The following ADAM12 variants were observed in gnomAD, a reference collection of about 807,000 sequenced individuals.
The protein encoded by ADAM12 is ADAM metallopeptidase domain 12, also known as disintegrin and metalloproteinase domain-containing protein 12.
ADAM12 carries 70 observed loss-of-function variants against 106.4 expected under a neutral mutation model. That is an observed-to-expected ratio of 0.66 (90% CI 0.54 to 0.80). ADAM12 has a LOEUF of 0.80. ADAM12 is among the 30% of genes least tolerant of loss of function. ADAM12 has a pLI of 0.00. For missense variants in ADAM12, 1,010 were observed against 1,171.9 expected (o/e 0.86, Z 2.02); for synonymous variants, 420 against 433.5 (o/e 0.97, Z 0.39).
chr10:126,299,800 C>T (rs144557247), intron 2 of ADAM12, among the ~76,000 whole-genome samples: 2,030 of 152,224 alleles, frequency 0.013, 43 homozygotes, highest in African/African-American at 0.047. Context: ...CCCACCACCA[C>T]GCCTGGCTAA....
At chr10:126,370,224 T>A (rs1027305524) in intron 1 of ADAM12, among the ~76,000 whole-genome samples, 2 of 152,180 alleles carry the variant, frequency 1.3e-5, no homozygotes, top group Admixed American at 1.3e-4. Context: ...GTGCCTAGAT[T>A]CGTAACCCAC....
At chr10:126,330,305 A>G in intron 2 of ADAM12, 107 bp downstream of exon 2, 1 of 919,028 alleles carries the variant, frequency 1.1e-6, no homozygotes, top group Non-Finnish European at 1.6e-6. Context: ...GGATAGAGTT[A>G]GCATTAAAGT....
At position 126,038,279 on chromosome 10, in the gene ADAM12, C is replaced by G; in HGVS notation, c.2311G>C (p.Gly771Arg). ...GAATCTGGCGGCTTCCTCATCAGGC[C>G]TTTTCCAAGGTGGCCGAGGTGAGCC... is the stretch of plus-strand genomic sequence containing the variant. ...CQAHLGHLGK[G>R]LMRKPPDSYP... The change falls in exon 20 of 23, where the codon GGC becomes CGC. Residue 771 changes from glycine (G) to arginine (R), a missense_variant. Physicochemically the swap from Gly to Arg is moderately radical, Grantham distance 125. This residue lies in a region of ADAM12 where 615 missense variants were observed against 708.5 expected (regional missense o/e 0.87). Coordinates refer to ENST00000448723, the MANE Select transcript of ADAM12 (RefSeq NM_001288973.2). 1 of 1,612,424 alleles carries G rather than the reference C, an allele frequency of 6.2e-7. No homozygotes were observed. Among genetic ancestry groups the G allele is most frequent in the Non-Finnish European group, 8.5e-7 (1 of 1,179,492 alleles).
intron 3 of ADAM12, among the ~76,000 whole-genome samples, chr10:126,217,453 T>G (rs1404904873): frequency 6.6e-6 from 1 of 151,526 alleles, no homozygotes; most frequent in Non-Finnish European, 1.5e-5. Flanking sequence ...CCACAACTTC[T>G]GCCTCCAGGG....
At chr10:126,079,538 T>C (rs1449406143) in intron 11 of ADAM12, among the ~76,000 whole-genome samples, 3 of 152,174 alleles carry the variant, frequency 2.0e-5, no homozygotes, top group African/African-American at 7.2e-5. Flanking sequence ...TGATATTCCA[T>C]TGCAAGTGAG....
chr10:126,252,115 G>GGGATGGAT (rs199836391), intron 3 of ADAM12, among the ~76,000 whole-genome samples: 2 of 94,264 alleles, frequency 2.1e-5, no homozygotes, highest in Admixed American at 1.9e-4. Context: ...ATGGATGGAT[G>GGGATGGAT]GGATGGATGG....
At position 126,061,277 on chromosome 10, in the gene ADAM12, T is replaced by G. The variant is rs1041230862; in HGVS notation, c.1609+3529A>C. On this transcript the variant is annotated intron_variant, in intron 14 of 22. Coordinates refer to ENST00000448723, the MANE Select transcript of ADAM12 (RefSeq NM_001288973.2). ...TTTACTAGGAGCTCTGCATCTAGCA[T>G]AGAACCACATATATTACATGGAATA... Among the ~76,000 whole-genome samples, 3 of 152,222 alleles carry G rather than the reference T, an allele frequency of 2.0e-5. No homozygotes were observed. The South Asian group carries it at 6.2e-4, about 32-fold the overall frequency.
chr10:126,154,646 A>T (rs1332595286), intron 4 of ADAM12, among the ~76,000 whole-genome samples: 1 of 152,236 alleles, frequency 6.6e-6, no homozygotes, highest in Non-Finnish European at 1.5e-5. Context: ...CATGTGGGAC[A>T]GATCATGGAG....
At chr10:126,036,370 A>C (rs1343136324) in intron 20 of ADAM12, 45 bp from the exon 21 acceptor site, 1 of 1,546,122 alleles carries the variant, frequency 6.5e-7, no homozygotes, top group Non-Finnish European at 8.7e-7. Context: ...GGTTTCAAAA[A>C]TATCAGTAAC....
At chr10:126,146,205 T>C (rs111843088) in intron 4 of ADAM12, among the ~76,000 whole-genome samples, 2,351 of 152,248 alleles carry the variant, frequency 0.015, 61 homozygotes, top group African/African-American at 0.053. Context: ...ACCACGGGAC[T>C]TGGGTGAAGA....
rs1953631777 is a variant in ADAM12, at chr10:126,014,743, G to A, written c.*2536C>T. The A allele has an allele frequency of 6.6e-6, 1 of 152,034 alleles. No individual in the cohort carries two copies. Among genetic ancestry groups the A allele is most frequent in the African/African-American group, 2.4e-5 (1 of 41,388 alleles). 9.4% of individuals were successfully genotyped at this position (152,034 alleles called of 1,614,324 possible). On this transcript the variant is annotated 3_prime_UTR_variant, in exon 23 of 23. Coordinates refer to ENST00000448723, the MANE Select transcript of ADAM12 (RefSeq NM_001288973.2). ...AGCTGTAGGAAGAAAAGTAGCCTCT[G>A]GGCTACTTTGTGTCTAGTCACATTG...
At chr10:126,174,975 C>G (rs192759586) in intron 3 of ADAM12, among the ~76,000 whole-genome samples, 1 of 152,148 alleles carries the variant, frequency 6.6e-6, no homozygotes, top group Admixed American at 6.5e-5. Context: ...CCAGGATGGT[C>G]TCGATCTCCT....
intron 11 of ADAM12, among the ~76,000 whole-genome samples, chr10:126,093,294 G>A (rs1327491164): frequency 6.6e-6 from 1 of 152,172 alleles, no homozygotes; most frequent in East Asian, 1.9e-4. Context: ...CCTCCAAGGT[G>A]CATCTGTTTC....
chr10:126,092,694 A>G (rs756146047), intron 11 of ADAM12, among the ~76,000 whole-genome samples: 2 of 152,204 alleles, frequency 1.3e-5, no homozygotes, highest in African/African-American at 4.8e-5. Context: ...CCCTTGAATT[A>G]TGCTTAAGAG....
intron 1 of ADAM12, among the ~76,000 whole-genome samples, chr10:126,377,013 T>G (rs1341308824): frequency 3.3e-5 from 5 of 152,188 alleles, no homozygotes; most frequent in Non-Finnish European, 7.3e-5. Context: ...TGTTCAAGGT[T>G]TGGGGTGAGC....
chr10:126,036,196 T>C lies in ADAM12; in HGVS notation c.2479A>G (p.Ser827Gly), dbSNP rs751383025. ...PPLHRAPRAP[S>G]VPARPLPAKP... is the part of the protein sequence containing the mutation. ...GCTGGCAGGGGTCTGGCAGGGACGC[T>C]AGGTGCACGTGGAGCCCGGTGGAGG... Residue 827 changes from serine to glycine, a missense_variant, in exon 21 of 23, where the codon AGC becomes GGC. Ser to Gly is a moderately conservative substitution (Grantham distance 56). Coordinates refer to ENST00000448723, the MANE Select transcript of ADAM12 (RefSeq NM_001288973.2). 3 of 1,539,586 alleles carry C rather than the reference T, an allele frequency of 1.9e-6. No homozygotes were observed. The Admixed American group carries it at 6.5e-5, about 34-fold the overall frequency.
rs1590824869 is a variant in ADAM12 at position 126,360,913 on chromosome 10, A to G, written c.88+27145T>C. On this transcript the variant is annotated intron_variant, in intron 1 of 22. Coordinates refer to ENST00000448723, the MANE Select transcript of ADAM12 (RefSeq NM_001288973.2). The stretch of plus-strand genomic sequence containing the variant: ...GTTTAATTTGGACTTACAGTTCCAC[A>G]TGGCTAGGGAAGCCTCACAATCATG... 3.3e-5 allele frequency among the ~76,000 whole-genome samples: 5 copies of G among 152,356 alleles called. No homozygotes were observed. The South Asian group carries it at 8.3e-4, about 25-fold the overall frequency.
In ADAM12 at chr10:126,212,125, C is replaced by T. The variant is rs143953187; in HGVS notation, c.261-56820G>A. Among the ~76,000 whole-genome samples, 498 of 152,302 alleles carry T rather than the reference C, an allele frequency of 3.3e-3. 2 individuals are homozygous for T. The highest frequency in any genetic ancestry group is 0.011 in the African/African-American group (463 of 41,550). ...CCAGCCTGGCTGTACATTGCCATGC[C>T]AGGTACCGCACTGGTGATTAAGATT... On this transcript the variant is annotated intron_variant, in intron 3 of 22. Transcript: ENST00000448723.
chr10:126,252,544 T>A (rs746629683), intron 3 of ADAM12, among the ~76,000 whole-genome samples: 1 of 152,092 alleles, frequency 6.6e-6, no homozygotes, highest in Non-Finnish European at 1.5e-5. Flanking sequence ...GTTCTGATGT[T>A]CAACCAAGGG....
Sources: gnomAD v4.1 joint callset for allele counts (sites outside exome capture counted in the v4.1 genomes callset) on GRCh38, gnomAD v4.1.1 for gene constraint, gnomAD v4.1.1 regional missense constraint, MANE v1.5 for transcripts, NCBI Gene and HGNC (gene_info 2026-07-23, HGNC 2026-07-21) for gene names.